Variants in PHF12 observed in about 807,000 individuals in gnomAD.
The protein encoded by PHF12 is PHD finger protein 12.
A neutral mutation model predicts 99.8 loss-of-function variants in PHF12; 6 were observed. The ratio of observed to expected loss-of-function variants is 0.06; its 90% CI spans 0.03 to 0.12. PHF12 has a LOEUF of 0.12. Ranked by LOEUF, PHF12 falls within the 10% of genes least tolerant of loss-of-function variation. PHF12 has a pLI of 1.00. For missense variants in PHF12, 954 were observed against 1,300.1 expected, an observed-to-expected ratio of 0.73 and a Z score of 4.09; for synonymous variants, 480 against 514.9, an observed-to-expected ratio of 0.93 and a Z score of 0.92.
At position 28,912,737 on chromosome 17, in the gene PHF12, A is replaced by G; in HGVS notation, c.1834T>C (p.Ser612Pro). 6.2e-6 allele frequency: 10 copies of G among 1,614,178 alleles called. No individual in the cohort carries two copies. Among genetic ancestry groups the G allele is most frequent in the South Asian group, 1.1e-5 (1 of 91,086 alleles). Residue 612 changes from serine (S) to proline (P), a missense_variant, in exon 9 of 15, where the codon TCT (serine) becomes CCT (proline). Ser to Pro is a moderately conservative substitution (Grantham distance 74). Around this residue, in one of 8 missense-constraint regions of PHF12, gnomAD observed 392 missense variants for 423.1 expected, o/e 0.93. Coordinates refer to ENST00000332830, the MANE Select transcript of PHF12 (RefSeq NM_001033561.2). ...VKTENATGPS[S>P]CPQRSLVPVP... is the part of the protein sequence containing the mutation. The stretch of plus-strand genomic sequence containing the variant: ...GGAACCAAACTCCTCTGGGGGCAAG[A>G]GCTGGGGCCAGTGGCATTCTCTGTC...
Position 28,906,677 on chromosome 17 carries a change from G to GGT in PHF12, c.2681-162_2681-161dup, listed in dbSNP as rs1182674656. On this transcript the variant is annotated intron_variant, in intron 14 of 14. Coordinates refer to ENST00000332830, the MANE Select transcript of PHF12 (RefSeq NM_001033561.2). This position sits in a 1 kb window ranked among gnomAD's most constrained non-coding sequence, Gnocchi z 4.2. Reference sequence around the variant, plus strand: ...GTTGGTGGAGTCTGAAGTCCCCACAGGTGTGTACACACATGGGGGTACTCA... The same window carrying GGT: ...GTTGGTGGAGTCTGAAGTCCCCACAGGTGTGTGTACACACATGGGGGTACTCA... 4.2e-6 allele frequency: 5 copies of GGT among 1,182,948 alleles called. No individual in the cohort carries two copies. The African/African-American group carries it at 7.7e-5, about 18-fold the overall frequency. 73.3% of individuals were successfully genotyped at this position (1,182,948 alleles called of 1,614,324 possible).
In PHF12 at chr17:28,949,767, C is replaced by T; in HGVS notation, c.248+298G>A. On this transcript the variant is annotated intron_variant, in intron 2 of 14. Transcript: ENST00000332830. This position sits in a 1 kb window ranked among gnomAD's most constrained non-coding sequence, Gnocchi z 4.6. ...AGCTCCTCCCCTTCCTCCCCCGCCA[C>T]TGCCGGCTGTCCCCGGCCGGCTCTG... 2 of 285,680 alleles carry T rather than the reference C, an allele frequency of 7.0e-6. No individual in the cohort carries two copies. The highest frequency in any genetic ancestry group is 1.3e-5 in the Non-Finnish European group (2 of 153,754). The allele number at this position is 285,680 out of a possible 1,614,324, so 17.7% of individuals were successfully genotyped here.
intron 2 of PHF12, among the ~76,000 whole-genome samples, chr17:28,935,934 T>C (rs2040500825): frequency 6.6e-6 from 1 of 152,222 alleles, no homozygotes; most frequent in Non-Finnish European, 1.5e-5. Context: ...ATGCCTATAC[T>C]GACAGATTTC....
chr17:28,947,610 C>CA (rs2040742683), intron 2 of PHF12, among the ~76,000 whole-genome samples: 3 of 151,898 alleles, frequency 2.0e-5, no homozygotes, highest in South Asian at 4.2e-4. Context: ...AAAACAACAA[C>CA]AAAAAAAACT....
intron 2 of PHF12, among the ~76,000 whole-genome samples, chr17:28,936,489 T>C (rs1247386435): frequency 1.3e-5 from 2 of 152,194 alleles, no homozygotes; most frequent in Admixed American, 6.6e-5. Context: ...AAATAGCATA[T>C]CCATATACAA....
chr17:28,925,593 T>C (rs1025455706), intron 3 of PHF12: 2 of 152,150 alleles, frequency 1.3e-5, no homozygotes, highest in Non-Finnish European at 2.9e-5. Context: ...CATACTGTAA[T>C]CCCCAACAAG....
rs60657851 is a variant in PHF12, at chr17:28,947,885, C to T, written c.248+2180G>A. On this transcript the variant is annotated intron_variant, in intron 2 of 14. Coordinates refer to ENST00000332830, the MANE Select transcript of PHF12 (RefSeq NM_001033561.2). Reference sequence around the variant, plus strand: ...CTGATTACCAGTTCCCATTCAATGCCTCAAAAAAAAAAAAAATTTCAATGA... The same window carrying T: ...CTGATTACCAGTTCCCATTCAATGCTTCAAAAAAAAAAAAAATTTCAATGA... Among the ~76,000 whole-genome samples, 543 of 145,408 alleles carry T rather than the reference C, an allele frequency of 3.7e-3. 5 individuals carry two copies. The highest frequency in any genetic ancestry group is 0.018 in the East Asian group (94 of 5,108).
intron 12 of PHF12, chr17:28,908,534 G>C (rs2039908901): frequency 6.1e-6 from 3 of 494,600 alleles, no homozygotes; most frequent in Non-Finnish European, 1.1e-5. Context: ...TGCCCAGGCT[G>C]GTCTCGAAGT....
At chr17:28,940,015 A>G (rs777348851) in intron 2 of PHF12, among the ~76,000 whole-genome samples, 9 of 152,142 alleles carry the variant, frequency 5.9e-5, no homozygotes, top group Non-Finnish European at 1.3e-4. Context: ...CCCTGCTGTT[A>G]CTCTGTATGT....
At chr17:28,923,648 A>T (rs2040206578) in intron 4 of PHF12, among the ~76,000 whole-genome samples, 1 of 128,722 alleles carries the variant, frequency 7.8e-6, no homozygotes, top group Admixed American at 8.3e-5. Flanking sequence ...ACAAAGTGAG[A>T]CTCACAAAAA....
At chr17:28,932,228 C>A (rs1028938980) in intron 2 of PHF12, among the ~76,000 whole-genome samples, 4 of 151,664 alleles carry the variant, frequency 2.6e-5, no homozygotes, top group African/African-American at 9.7e-5. Flanking sequence ...ACCCCCTAGG[C>A]TCAAGCAGTC....
chr17:28,924,312 T>C lies in PHF12; in HGVS notation c.322-10A>G. The C allele has an allele frequency of 2.5e-6, 4 of 1,614,118 alleles. No individual in the cohort carries two copies. Among genetic ancestry groups the C allele is most frequent in the Non-Finnish European group, 3.4e-6 (4 of 1,180,006 alleles). ...TTTTCTGCTCTCGTTTCTGTGCAAA[T>C]GAACAGGTGGGCCCATCATGAAAAG... On this transcript the variant is annotated splice_polypyrimidine_tract_variant and intron_variant, in intron 3 of 14. Transcript: ENST00000332830.
At position 28,912,311 on chromosome 17, in the gene PHF12, G is replaced by T. The variant is rs531615555; in HGVS notation, c.2089+171C>A. 353 of 1,398,266 alleles carry T rather than the reference G, an allele frequency of 2.5e-4. 5 individuals are homozygous for T. The East Asian group carries it at 9.3e-3, about 37-fold the overall frequency. The allele number at this position is 1,398,266 out of a possible 1,614,324, so 86.6% of individuals were successfully genotyped here. ...GCCTAAGCAGTCCCATTTATAAACG[G>T]GACAAGTTAACATGTGCTTCCTCTT... On this transcript the variant is annotated intron_variant, in intron 9 of 14. Coordinates refer to ENST00000332830, the MANE Select transcript of PHF12 (RefSeq NM_001033561.2).
chr17:28,948,557 G>C (rs1598167503), intron 2 of PHF12, among the ~76,000 whole-genome samples: 1 of 152,218 alleles, frequency 6.6e-6, no homozygotes, highest in South Asian at 2.1e-4. Context: ...CTGGGCAAAA[G>C]TATCTTGGGA....
intron 9 of PHF12, chr17:28,912,206 A>C: frequency 7.9e-7 from 1 of 1,272,096 alleles, no homozygotes; most frequent in East Asian, 3.3e-5. Flanking sequence ...TATGGGATGG[A>C]GTCAGGAGAC....
intron 9 of PHF12, 80 bp from the exon 10 acceptor site, chr17:28,911,317 C>G (rs62068963): frequency 1.3e-6 from 2 of 1,573,134 alleles, no homozygotes; most frequent in East Asian, 4.5e-5. Context: ...TGAGACAGGT[C>G]TGGATTTCGG....
rs913941500 is a variant in PHF12, at chr17:28,905,868, G to A, written c.*315C>T. 8 of 263,248 alleles carry A rather than the reference G, an allele frequency of 3.0e-5. No individual in the cohort carries two copies. The highest frequency in any genetic ancestry group is 1.6e-4 in the South Asian group (1 of 6,170). The allele number at this position is 263,248 out of a possible 1,614,324, so 16.3% of individuals were successfully genotyped here. A position where few individuals can be genotyped will look rare whatever the true frequency, so the allele number is the denominator to read the frequency against. Reference sequence around the variant, plus strand: ...AGGGGGAGGGAGCAGGAGGTGGGTGGGGAAGGGTTTTGTGTTGGAGGAAGT... The same window carrying A: ...AGGGGGAGGGAGCAGGAGGTGGGTGAGGAAGGGTTTTGTGTTGGAGGAAGT... On this transcript the variant is annotated 3_prime_UTR_variant, in exon 15 of 15. Coordinates refer to ENST00000332830, the MANE Select transcript of PHF12 (RefSeq NM_001033561.2).
At chr17:28,933,480 G>A (rs1014853468) in intron 2 of PHF12, among the ~76,000 whole-genome samples, 3 of 152,160 alleles carry the variant, frequency 2.0e-5, no homozygotes, top group Non-Finnish European at 4.4e-5. Context: ...TTGAAATCTT[G>A]AGCCTAAGCT....
Position 28,913,035 on chromosome 17 carries a change from G to T in PHF12, c.1536C>A (p.His512Gln). 6.2e-7 allele frequency: 1 copy of T among 1,614,210 alleles called. No homozygotes were observed. Among genetic ancestry groups the T allele is most frequent in the East Asian group, 2.2e-5 (1 of 44,878 alleles). ...CGATGTCCTCTAGGGCTGGGGACTG[G>T]TGGGGTGGAGAGCAGCTCAGGGAAT... The part of the protein sequence containing the change: ...TQNSLSCSPP[H>Q]QSPALEDIGC... Residue 512 changes from histidine to glutamine, a missense_variant, in exon 9 of 15, where the codon CAC (histidine) becomes CAA (glutamine). This residue lies in a region of PHF12 where 392 missense variants were observed against 423.1 expected (regional missense o/e 0.93). Transcript: ENST00000332830.
Sources: allele counts gnomAD v4.1 joint callset (sites outside exome capture counted in the v4.1 genomes callset), GRCh38; gene constraint gnomAD v4.1.1; regional missense constraint gnomAD v4.1.1; non-coding constraint Gnocchi (gnomAD v3.1); transcripts MANE v1.5; gene names NCBI Gene and HGNC (gene_info 2026-07-23, HGNC 2026-07-21).